The following SGCZ variants were observed in gnomAD, a reference collection of about 807,000 sequenced individuals.
SGCZ encodes zeta-sarcoglycan.
A neutral mutation model predicts 41.3 loss-of-function variants in SGCZ; 40 were observed. That is an observed-to-expected ratio of 0.97 (90% CI 0.75 to 1.26). The LOEUF (loss-of-function observed/expected upper bound fraction) is 1.26, where lower values mean the gene tolerates loss of function less well. SGCZ is among the 50% of genes most tolerant of loss of function. The pLI, the probability that SGCZ is intolerant of heterozygous loss-of-function variation, is 0.00. For synonymous variants in SGCZ, 206 were observed against 137.5 expected (o/e 1.50, Z -3.49); for missense variants, 552 against 369.8 (o/e 1.49, Z -4.04).
intron 1 of SGCZ, among the ~76,000 whole-genome samples, chr8:14,689,017 T>A (rs1360808875): frequency 2.0e-5 from 3 of 152,074 alleles, no homozygotes; most frequent in African/African-American, 4.8e-5. Context: ...TTAAAAAAAA[T>A]TTTAAAGCAA....
intron 1 of SGCZ, among the ~76,000 whole-genome samples, chr8:15,234,215 G>A (rs561299648): frequency 5.3e-5 from 8 of 152,144 alleles, no homozygotes; most frequent in Non-Finnish European, 1.0e-4. Context: ...CTAAAATAAA[G>A]GCTAAAGCTA....
intron 1 of SGCZ, among the ~76,000 whole-genome samples, chr8:14,737,957 C>G (rs1023561669): frequency 1.3e-5 from 2 of 152,026 alleles, no homozygotes; most frequent in African/African-American, 2.4e-5. Flanking sequence ...GATATAGTTT[C>G]ATACATACTT....
chr8:14,289,008 T>C (rs1427087036), intron 3 of SGCZ, among the ~76,000 whole-genome samples: 1 of 152,170 alleles, frequency 6.6e-6, no homozygotes, highest in Admixed American at 6.6e-5. Flanking sequence ...TGGTTTTTAT[T>C]TGTGTTTTCT....
At chr8:15,016,417 T>A (rs905748932) in intron 1 of SGCZ, among the ~76,000 whole-genome samples, 1 of 152,130 alleles carries the variant, frequency 6.6e-6, no homozygotes, top group African/African-American at 2.4e-5. Context: ...GGGGAGGGCT[T>A]AGAAATGGCT....
chr8:14,741,982 T>C (rs1241277352), intron 1 of SGCZ, among the ~76,000 whole-genome samples: 1 of 152,084 alleles, frequency 6.6e-6, no homozygotes, highest in Admixed American at 6.6e-5. Flanking sequence ...TAGTCCTCCA[T>C]ATTGACAATA....
chr8:14,669,690 GTA>G (rs1182600670), intron 1 of SGCZ, among the ~76,000 whole-genome samples: 8 of 68,514 alleles, frequency 1.2e-4, no homozygotes, highest in South Asian at 5.7e-4. Flanking sequence ...TCCATTTTGT[GTA>G]TACACACACA....
intron 5 of SGCZ, among the ~76,000 whole-genome samples, chr8:14,160,985 T>C (rs1248426104): frequency 6.6e-6 from 1 of 152,200 alleles, no homozygotes; most frequent in East Asian, 1.9e-4. Flanking sequence ...TTCCTATAAA[T>C]ATTGCTTAAA....
At chr8:14,562,401 A>G (rs1437844886) in intron 1 of SGCZ, among the ~76,000 whole-genome samples, 3 of 152,156 alleles carry the variant, frequency 2.0e-5, no homozygotes, top group Non-Finnish European at 4.4e-5. Flanking sequence ...ATAAATAACA[A>G]CATTATCAAG....
intron 1 of SGCZ, among the ~76,000 whole-genome samples, chr8:14,644,592 AG>A (rs1277456721): frequency 6.6e-6 from 1 of 151,686 alleles, no homozygotes; most frequent in African/African-American, 2.4e-5. Context: ...AAAATCAATG[AG>A]TTTTGGGTCA....
At chr8:14,391,100 C>G (rs1804753788) in intron 2 of SGCZ, among the ~76,000 whole-genome samples, 1 of 152,080 alleles carries the variant, frequency 6.6e-6, no homozygotes, top group Admixed American at 6.6e-5. Context: ...AGGGCTAAAG[C>G]AACCAACCCA....
At chr8:14,448,296 G>C (rs535921569) in intron 2 of SGCZ, among the ~76,000 whole-genome samples, 3 of 152,118 alleles carry the variant, frequency 2.0e-5, no homozygotes, top group Admixed American at 6.6e-5. Context: ...TCATCAAAAC[G>C]AACTGCATGG....
intron 1 of SGCZ, among the ~76,000 whole-genome samples, chr8:15,219,048 C>G (rs538062573): frequency 6.6e-6 from 1 of 152,168 alleles, no homozygotes; most frequent in Non-Finnish European, 1.5e-5. Context: ...TCGTTTTACC[C>G]TGCACTCTCC....
intron 3 of SGCZ, among the ~76,000 whole-genome samples, chr8:14,246,892 A>T (rs1799114359): frequency 7.0e-6 from 1 of 142,472 alleles, no homozygotes; most frequent in Admixed American, 7.2e-5. Flanking sequence ...CCTGGGCGAC[A>T]GAATGAGACT....
chr8:14,268,802 T>C (rs1366488767), intron 3 of SGCZ, among the ~76,000 whole-genome samples: 1 of 151,948 alleles, frequency 6.6e-6, no homozygotes, highest in African/African-American at 2.4e-5. Context: ...ACATATTTAG[T>C]CTGGAATATA....
intron 4 of SGCZ, 58 bp downstream of exon 4, chr8:14,237,534 A>T: frequency 6.6e-7 from 1 of 1,506,564 alleles, no homozygotes. Flanking sequence ...CAAAAACCAA[A>T]AACAACAACA....
intron 1 of SGCZ, among the ~76,000 whole-genome samples, chr8:14,898,575 A>T (rs930432978): frequency 6.6e-6 from 1 of 152,226 alleles, no homozygotes; most frequent in Non-Finnish European, 1.5e-5. Context: ...ATAATGGGAA[A>T]GATGGTTATT....
intron 1 of SGCZ, among the ~76,000 whole-genome samples, chr8:15,036,747 ACT>A (rs1330273644): frequency 6.6e-6 from 1 of 152,064 alleles, no homozygotes; most frequent in Non-Finnish European, 1.5e-5. Context: ...GGCCAGCATT[ACT>A]CTGATACTGG....
intron 1 of SGCZ, among the ~76,000 whole-genome samples, chr8:15,228,326 C>G (rs1004843923): frequency 1.3e-5 from 2 of 152,112 alleles, no homozygotes; most frequent in African/African-American, 4.8e-5. Context: ...CATAATTTCT[C>G]CCAGGGATGA....
At chr8:14,954,457 A>G (rs771194657) in intron 1 of SGCZ, among the ~76,000 whole-genome samples, 5 of 152,144 alleles carry the variant, frequency 3.3e-5, no homozygotes, top group African/African-American at 4.8e-5. Flanking sequence ...CTAAATGTGC[A>G]CAGGAGTTGC....
Sources: allele counts gnomAD v4.1 joint callset (sites outside exome capture counted in the v4.1 genomes callset), GRCh38; gene constraint gnomAD v4.1.1; transcripts MANE v1.5; gene names NCBI Gene and HGNC (gene_info 2026-07-23, HGNC 2026-07-21).